NELFA: variants seen among roughly 807,000 people sequenced by gnomAD.
NELFA encodes negative elongation factor complex member A.
A neutral mutation model predicts 51.8 loss-of-function variants in NELFA; 35 were observed. The ratio of observed to expected loss-of-function variants is 0.68; its 90% CI spans 0.52 to 0.90. The LOEUF is 0.90. Among genes scored for constraint, NELFA ranks in the 40% least tolerant of loss-of-function variants. The probability of loss-of-function intolerance (pLI) is 0.00; values close to 1 mark genes in which losing one functional copy is unlikely to be tolerated. For missense variants in NELFA, 658 were observed against 746.4 expected, an observed-to-expected ratio of 0.88 and a Z score of 1.38; for synonymous variants, 417 against 338.4, an observed-to-expected ratio of 1.23 and a Z score of -2.55.
chr4:1,987,582 A>G, intron 4 of NELFA: 1 of 269,620 alleles, frequency 3.7e-6, no homozygotes, highest in Non-Finnish European at 6.9e-6. Flanking sequence ...CGGTGCCAAC[A>G]GCAGAGGAGC....
At chr4:1,990,620 G>A in intron 2 of NELFA, 1 of 427,094 alleles carries the variant, frequency 2.3e-6, no homozygotes, top group Non-Finnish European at 4.8e-6. Context: ...CCCTGCAGGA[G>A]TGTGCAGCCT....
At chr4:1,987,858 G>A in intron 4 of NELFA, 60 bp downstream of exon 4, 1 of 1,419,100 alleles carries the variant, frequency 7.0e-7, no homozygotes, top group Non-Finnish European at 9.6e-7. Flanking sequence ...CGGGTCTCCA[G>A]GTGAAGCCCT....
intron 1 of NELFA, among the ~76,000 whole-genome samples, chr4:1,998,658 G>C (rs1253600863): frequency 4.6e-5 from 7 of 152,146 alleles, no homozygotes. Context: ...TTCATAAAAA[G>C]ACCAAACCTA....
chr4:1,999,274 G>T (rs528184669), intron 1 of NELFA, among the ~76,000 whole-genome samples: 10 of 150,982 alleles, frequency 6.6e-5, no homozygotes, highest in Non-Finnish European at 1.2e-4. Flanking sequence ...CATGATTACA[G>T]GACCGAATTC....
chr4:2,002,192 T>C (rs1241676011), intron 1 of NELFA, among the ~76,000 whole-genome samples: 4 of 151,238 alleles, frequency 2.6e-5, no homozygotes, highest in African/African-American at 7.3e-5. Flanking sequence ...AAAGCGAGAC[T>C]CCATCTCAGA....
At chr4:2,005,453 A>T (rs1016110937) in intron 1 of NELFA, among the ~76,000 whole-genome samples, 1 of 152,212 alleles carries the variant, frequency 6.6e-6, no homozygotes, top group Non-Finnish European at 1.5e-5. Flanking sequence ...TCCAAAAATC[A>T]GGCTGGGCAT....
intron 1 of NELFA, chr4:1,992,065 A>G (rs1728287020): frequency 4.3e-6 from 1 of 232,458 alleles, no homozygotes; most frequent in Non-Finnish European, 8.5e-6. Flanking sequence ...GCTCCCGCAG[A>G]AAGCCTGCGG....
intron 2 of NELFA, chr4:1,990,494 C>A: frequency 2.2e-6 from 1 of 456,710 alleles, no homozygotes; most frequent in South Asian, 1.5e-5. Context: ...TCCTGAGACA[C>A]GAACGGGTGG....
chr4:1,983,931 T>G lies in NELFA; in HGVS notation c.1219A>C (p.Thr407Pro). ...ACCATGGCAACCGGGGGTGTCTGAG[T>G]GGTAGGGGCGACAGCCGGAGGTGTG... is the stretch of plus-strand genomic sequence containing the variant. ...PTTPPAVAPT[T>P]QTPPVAMVAP... The change falls in exon 9 of 11, where the codon ACT (threonine) becomes CCT (proline). Residue 407 changes from threonine (T) to proline (P), a missense_variant. Transcript: ENST00000382882. The G allele has an allele frequency of 2.5e-6, 4 of 1,609,452 alleles. No individual in the cohort carries two copies. The highest frequency in any genetic ancestry group is 3.4e-6 in the Non-Finnish European group (4 of 1,178,188).
At chr4:1,995,208 C>G (rs768395979) in intron 1 of NELFA, among the ~76,000 whole-genome samples, 1 of 152,242 alleles carries the variant, frequency 6.6e-6, no homozygotes, top group Non-Finnish European at 1.5e-5. Context: ...CCTTCAGACT[C>G]TGGCTGAAAC....
intron 3 of NELFA, 59 bp from the exon 4 acceptor site, chr4:1,988,066 T>C: frequency 1.4e-6 from 2 of 1,403,898 alleles, no homozygotes; most frequent in South Asian, 1.2e-5. Flanking sequence ...TTGGCCCTTG[T>C]AAAAACATCT....
chr4:1,983,331 G>T lies in NELFA; in HGVS notation c.1575C>A (p.Thr525=). The change falls in exon 11 of 11, where the codon ACC becomes ACA. Residue 525 remains threonine (T), a synonymous_variant. Coordinates refer to ENST00000382882, the MANE Select transcript of NELFA (RefSeq NM_005663.5). ...WTRFKKYKPM[T]NVS is the part of the protein sequence containing the mutation. ...GAGGCAGGTGGTTCTAGGACACATTGGTCATGGGCTTGTACTTCTTGAAGC... is the reference window on the plus strand; with the variant it reads ...GAGGCAGGTGGTTCTAGGACACATTTGTCATGGGCTTGTACTTCTTGAAGC... 1 of 1,614,062 alleles carries T rather than the reference G, an allele frequency of 6.2e-7. No individual in the cohort carries two copies. Among genetic ancestry groups the T allele is most frequent in the South Asian group, 1.1e-5 (1 of 91,070 alleles).
chr4:1,998,507 G>GC (rs1251316768), intron 1 of NELFA, among the ~76,000 whole-genome samples: 1 of 152,040 alleles, frequency 6.6e-6, no homozygotes, highest in Non-Finnish European at 1.5e-5. Context: ...TGAGTCATCC[G>GC]CAAGTATTAA....
chr4:1,998,344 AAAC>A (rs1270068880), intron 1 of NELFA, among the ~76,000 whole-genome samples: 2 of 152,148 alleles, frequency 1.3e-5, no homozygotes, highest in African/African-American at 2.4e-5. Flanking sequence ...ATAAAAAAAA[AAAC>A]AATGATGAAC....
chr4:1,985,562 G>A (rs1728059917), intron 7 of NELFA, among the ~76,000 whole-genome samples: 1 of 152,226 alleles, frequency 6.6e-6, no homozygotes, highest in African/African-American at 2.4e-5. Flanking sequence ...CAAGCGTGGG[G>A]CAGGTTCCCG....
chr4:1,993,091 G>T (rs1218714489), intron 1 of NELFA, among the ~76,000 whole-genome samples: 1 of 152,238 alleles, frequency 6.6e-6, no homozygotes. Flanking sequence ...AGCCAGTGCG[G>T]CCTCTCCACA....
chr4:2,005,129 T>C (rs1452553756), intron 1 of NELFA, among the ~76,000 whole-genome samples: 1 of 144,812 alleles, frequency 6.9e-6, no homozygotes, highest in East Asian at 2.0e-4. Flanking sequence ...TTTAAAAAAA[T>C]TCATGATTAA....
intron 6 of NELFA, 38 bp from the exon 7 acceptor site, chr4:1,985,902 G>A (rs773194841): frequency 2.0e-5 from 31 of 1,546,644 alleles, no homozygotes; most frequent in East Asian, 1.9e-4. Flanking sequence ...GTGCCCGGGC[G>A]CGTCTGCAGT....
chr4:1,985,561 G>A, intron 7 of NELFA, among the ~76,000 whole-genome samples: 1 of 152,228 alleles, frequency 6.6e-6, no homozygotes, highest in Non-Finnish European at 1.5e-5. Context: ...GCAAGCGTGG[G>A]GCAGGTTCCC....
Sources: gnomAD v4.1 joint callset for allele counts (sites outside exome capture counted in the v4.1 genomes callset) on GRCh38, gnomAD v4.1.1 for gene constraint, MANE v1.5 for transcripts, NCBI Gene and HGNC (gene_info 2026-07-23, HGNC 2026-07-21) for gene names.